Variants in SGCD observed in about 807,000 individuals in gnomAD.
SGCD encodes delta-sarcoglycan.
In SGCD, 18 loss-of-function variants were observed where a neutral mutation model predicts 36.6. The observed-to-expected ratio is 0.49, with a 90% CI of 0.34 to 0.73. The LOEUF (loss-of-function observed/expected upper bound fraction) is 0.73. Among genes scored for constraint, SGCD ranks in the 30% least tolerant of loss-of-function variants. The pLI is 0.01. For missense variants in SGCD, 387 were observed against 346.7 expected (o/e 1.12, Z -0.92); for synonymous variants, 133 against 130.6 (o/e 1.02, Z -0.12).
chr5:155,996,778 C>CA (rs777241846), intron 1 of SGCD, among the ~76,000 whole-genome samples: 3,408 of 61,356 alleles, frequency 0.056, 130 homozygotes, highest in African/African-American at 0.16. Context: ...GACTCTGTTT[C>CA]AAAAAAAAAA....
intron 3 of SGCD, among the ~76,000 whole-genome samples, chr5:156,491,672 T>C (rs1318677179): frequency 6.6e-6 from 1 of 152,066 alleles, no homozygotes; most frequent in African/African-American, 2.4e-5. Context: ...TCTAGAAGCA[T>C]GTAGACTACA....
intron 1 of SGCD, among the ~76,000 whole-genome samples, chr5:155,993,263 C>T (rs1758472962): frequency 6.6e-6 from 1 of 151,648 alleles, no homozygotes; most frequent in Non-Finnish European, 1.5e-5. Context: ...CTGTTTGTAT[C>T]AGCTTCTTCC....
intron 3 of SGCD, among the ~76,000 whole-genome samples, chr5:156,389,683 G>T (rs553127300): frequency 6.6e-6 from 1 of 152,122 alleles, no homozygotes; most frequent in Admixed American, 6.6e-5. Context: ...TTGCTGTGTG[G>T]CCTCATTCCT....
chr5:156,477,030 G>T (rs1366127017), intron 3 of SGCD, among the ~76,000 whole-genome samples: 1 of 142,426 alleles, frequency 7.0e-6, no homozygotes, highest in Non-Finnish European at 1.5e-5. Flanking sequence ...CGTTAATTCA[G>T]TGAATTTCAA....
chr5:156,682,543 T>G (rs1366306135), intron 7 of SGCD, among the ~76,000 whole-genome samples: 1 of 152,204 alleles, frequency 6.6e-6, no homozygotes, highest in African/African-American at 2.4e-5. Context: ...CTGTTCAGCT[T>G]CTGCCGAAAA....
At chr5:156,095,564 TA>T (rs1339559838) in intron 1 of SGCD, among the ~76,000 whole-genome samples, 2 of 152,146 alleles carry the variant, frequency 1.3e-5, no homozygotes, top group African/African-American at 4.8e-5. Context: ...CTGGAACGGT[TA>T]TGAGAGGTAC....
At chr5:156,564,627 C>T (rs190098077) in intron 4 of SGCD, among the ~76,000 whole-genome samples, 1 of 152,040 alleles carries the variant, frequency 6.6e-6, no homozygotes, top group African/African-American at 2.4e-5. Context: ...AACTCTGTGC[C>T]CATTAAAAAA....
At chr5:156,413,227 C>T (rs1246959787) in intron 3 of SGCD, among the ~76,000 whole-genome samples, 1 of 152,166 alleles carries the variant, frequency 6.6e-6, no homozygotes, top group Non-Finnish European at 1.5e-5. Context: ...AGATGGAGAG[C>T]AAAGGGTCGG....
In SGCD at chr5:156,081,175, TAA is replaced by T. The variant is rs146084624; in HGVS notation, c.-281-36702_-281-36701del. ...GCATCTTATGTGCTGAGAGAGGCAG[TAA>T]GAGAGAGAGAGTAGTGAGGAGATGC... On this transcript the variant is annotated intron_variant, in intron 1 of 9. Transcript: ENST00000517913. Among the ~76,000 whole-genome samples the T allele has an allele frequency of 7.1e-3, 1,083 of 152,168 alleles. 8 individuals carry two copies. Among genetic ancestry groups the T allele is most frequent in the African/African-American group, 0.024 (1,001 of 41,510 alleles).
intron 3 of SGCD, among the ~76,000 whole-genome samples, chr5:156,182,407 G>T (rs1337724903): frequency 6.6e-5 from 10 of 151,936 alleles, no homozygotes; most frequent in Non-Finnish European, 8.8e-5. Flanking sequence ...CCTTGGTGAT[G>T]TGGTGAAACC....
intron 7 of SGCD, among the ~76,000 whole-genome samples, chr5:156,722,170 G>T (rs771162270): frequency 5.5e-4 from 84 of 152,124 alleles, no homozygotes; most frequent in Admixed American, 3.3e-4. Flanking sequence ...CAGTGTAGTC[G>T]ATTCTCCTTT....
intron 7 of SGCD, among the ~76,000 whole-genome samples, chr5:156,679,315 A>C (rs981009592): frequency 2.0e-5 from 3 of 152,200 alleles, no homozygotes; most frequent in African/African-American, 7.2e-5. Context: ...TTAAATTAGA[A>C]AAGGATACCG....
At chr5:156,293,050 G>T (rs1010807527) in intron 3 of SGCD, among the ~76,000 whole-genome samples, 1 of 151,692 alleles carries the variant, frequency 6.6e-6, no homozygotes, top group African/African-American at 2.4e-5. Context: ...CCATTCTGAG[G>T]GTTGCCTTTC....
chr5:156,202,988 A>G lies in SGCD; in HGVS notation c.-44+78969A>G, dbSNP rs891466918. On this transcript the variant is annotated intron_variant, in intron 3 of 9. Transcript: ENST00000517913. ...TACAGGTTTTAACAAAGTAAGAATTATTAAAGCTTTGATATACTTACATGC... is the reference window on the plus strand; with the variant it reads ...TACAGGTTTTAACAAAGTAAGAATTGTTAAAGCTTTGATATACTTACATGC... Among the ~76,000 whole-genome samples, 3 of 152,128 alleles carry G rather than the reference A, an allele frequency of 2.0e-5. No individual in the cohort carries two copies. In the East Asian group the frequency reaches 5.8e-4, roughly 29 times the overall value.
chr5:155,978,034 C>T (rs1360542557), intron 1 of SGCD, among the ~76,000 whole-genome samples: 1 of 152,008 alleles, frequency 6.6e-6, no homozygotes, highest in African/African-American at 2.4e-5. Flanking sequence ...GCAGAGGTTG[C>T]AGTTAGCTGA....
intron 7 of SGCD, among the ~76,000 whole-genome samples, chr5:156,705,037 T>C (rs927567174): frequency 2.6e-4 from 40 of 152,228 alleles, no homozygotes; most frequent in African/African-American, 9.1e-4. Context: ...AGAAATGACA[T>C]CTTAGCTCTT....
chr5:156,458,265 AG>A (rs1754340971), intron 3 of SGCD: 12 of 645,396 alleles, frequency 1.9e-5, no homozygotes, highest in Non-Finnish European at 1.7e-5. Flanking sequence ...CAGGCATTTC[AG>A]TTAAATATTA....
At chr5:156,540,716 T>C (rs570616746) in intron 4 of SGCD, among the ~76,000 whole-genome samples, 5 of 152,140 alleles carry the variant, frequency 3.3e-5, no homozygotes, top group Non-Finnish European at 5.9e-5. Flanking sequence ...TGAGCCACGT[T>C]CCCCATGATA....
At chr5:156,549,236 C>T (rs1758698276) in intron 4 of SGCD, among the ~76,000 whole-genome samples, 1 of 152,136 alleles carries the variant, frequency 6.6e-6, no homozygotes, top group Non-Finnish European at 1.5e-5. Flanking sequence ...TGAGGGAAAA[C>T]ATCTGTTCCA....
Sources: allele counts gnomAD v4.1 joint callset (sites outside exome capture counted in the v4.1 genomes callset), GRCh38; gene constraint gnomAD v4.1.1; transcripts MANE v1.5; gene names NCBI Gene and HGNC (gene_info 2026-07-23, HGNC 2026-07-21).